The following VSX2 variants were observed in gnomAD, a reference collection of about 807,000 sequenced individuals.
The protein encoded by VSX2 is ceh-10 homeo domain containing homolog.
In VSX2, 28 loss-of-function variants were observed where a neutral mutation model predicts 32.1. The ratio of observed to expected loss-of-function variants is 0.87; its 90% confidence interval spans 0.65 to 1.20. The LOEUF is 1.20. Among genes scored for constraint, VSX2 ranks in the 50% most tolerant of loss-of-function variants. VSX2 has a pLI of 0.00. For missense variants in VSX2, 506 were observed against 488.7 expected (o/e 1.04, Z -0.33); for synonymous variants, 243 against 214.1 (o/e 1.14, Z -1.18).
At chr14:74,256,876 G>C (rs2079266873) in intron 3 of VSX2, among the ~76,000 whole-genome samples, 1 of 151,966 alleles carries the variant, frequency 6.6e-6, no homozygotes, top group South Asian at 2.1e-4. Context: ...GTTTCCCCAT[G>C]TTGGCCAGGC....
chr14:74,260,521 T>C (rs2079297770), intron 4 of VSX2, 73 bp from the exon 5 acceptor site: 2 of 1,441,076 alleles, frequency 1.4e-6, no homozygotes, highest in East Asian at 4.9e-5. Context: ...CCTCTCTCTA[T>C]CTTTGCCGTT....
rs141712104 is a variant in VSX2 at position 74,259,721 on chromosome 14, C to T, written c.699C>T (p.Pro233=). The T allele has an allele frequency of 1.4e-4, 230 of 1,613,654 alleles. No individual in the cohort carries two copies. The African/African-American group carries it at 2.7e-3, about 19-fold the overall frequency. The stretch of plus-strand genomic sequence containing the variant: ...TGGTGCGGCACTCCATCCCCCTGCC[C>T]GAGTCCATCCTCAAGTCAGCCAAGG... The part of the protein sequence containing the change: ...GAMVRHSIPL[P]ESILKSAKDG... The change falls in exon 4 of 5, where the codon CCC becomes CCT. Residue 233 remains proline (P), a synonymous_variant. Coordinates refer to ENST00000261980, the MANE Select transcript of VSX2 (RefSeq NM_182894.3).
rs1487460668 is a variant in VSX2, at chr14:74,257,717, C to CG, written c.580-1885_580-1884insG. ...GCAGGAGCGCGCGGACCACCCCCCACCCACTTCCCCCGAGCCCCGCCGGCC... is the reference window on the plus strand; with the variant it reads ...GCAGGAGCGCGCGGACCACCCCCCACGCCACTTCCCCCGAGCCCCGCCGGCC... On this transcript the variant is annotated intron_variant, in intron 3 of 4. Transcript: ENST00000261980. Among the ~76,000 whole-genome samples, 34 of 150,426 alleles carry CG rather than the reference C, an allele frequency of 2.3e-4. 1 individual carries two copies. In the South Asian group the frequency reaches 2.8e-3, roughly 12 times the overall value.
At chr14:74,242,412 A>G (rs2079156204) in intron 2 of VSX2, among the ~76,000 whole-genome samples, 1 of 151,504 alleles carries the variant, frequency 6.6e-6, no homozygotes, top group African/African-American at 2.4e-5. Flanking sequence ...GCCCTGGGAA[A>G]CTCCACTGTT....
rs1214707035 is a variant in VSX2 at position 74,245,178 on chromosome 14, T to G, written c.469T>G (p.Ser157Ala). 6.2e-7 allele frequency: 1 copy of G among 1,613,372 alleles called. No homozygotes were observed. Among genetic ancestry groups the G allele is most frequent in the Non-Finnish European group, 8.5e-7 (1 of 1,179,842 alleles). ...KKRRHRTIFT[S>A]YQLEELEKAF... is the part of the protein sequence containing the mutation. ...TGCTCCCCTCAGGACAATCTTTACC[T>G]CCTACCAGCTAGAGGAGCTGGAGAA... The change falls in exon 3 of 5, where the codon TCC becomes GCC. Residue 157 changes from serine (S) to alanine (A), a missense_variant. Physicochemically the swap from Ser to Ala is moderately conservative, Grantham distance 99. Transcript: ENST00000261980.
intron 4 of VSX2, among the ~76,000 whole-genome samples, chr14:74,260,392 G>A (rs1019266916): frequency 2.6e-5 from 4 of 152,208 alleles, no homozygotes; most frequent in African/African-American, 9.6e-5. Flanking sequence ...GGCTTTGGCA[G>A]GGGGAGGTCC....
At chr14:74,258,415 G>A (rs1481458930) in intron 3 of VSX2, among the ~76,000 whole-genome samples, 5 of 152,194 alleles carry the variant, frequency 3.3e-5, no homozygotes, top group African/African-American at 4.8e-5. Flanking sequence ...CCGGAGGGAA[G>A]GGCGGCGCCG....
rs2079134490 is a variant in VSX2 at position 74,239,585 on chromosome 14, G to C, written c.24G>C (p.Ala8=). MTGKAGE[A]LSKPKSETVA... ...AGATGACGGGGAAAGCAGGGGAAGC[G>C]CTGAGCAAGCCCAAATCCGAGACAG... The change falls in exon 1 of 5, where the codon GCG becomes GCC. Residue 8 remains alanine (A), a synonymous_variant. Transcript: ENST00000261980. 1 of 1,551,376 alleles carries C rather than the reference G, an allele frequency of 6.4e-7. No homozygotes were observed. Among genetic ancestry groups the C allele is most frequent in the Non-Finnish European group, 8.7e-7 (1 of 1,146,990 alleles).
intron 2 of VSX2, among the ~76,000 whole-genome samples, chr14:74,244,943 A>AG (rs2079178141): frequency 3.5e-4 from 22 of 63,082 alleles, no homozygotes; most frequent in Non-Finnish European, 6.2e-4. Flanking sequence ...AGAGAGAGAG[A>AG]AAGTGTGTGT....
intron 3 of VSX2, among the ~76,000 whole-genome samples, chr14:74,247,995 G>C (rs1039093807): frequency 2.0e-5 from 3 of 152,076 alleles, no homozygotes; most frequent in Non-Finnish European, 4.4e-5. Context: ...CCATGAGCTA[G>C]GGGCTATTAC....
intron 3 of VSX2, among the ~76,000 whole-genome samples, chr14:74,246,126 G>A (rs1431800462): frequency 6.6e-6 from 1 of 152,250 alleles, no homozygotes; most frequent in Non-Finnish European, 1.5e-5. Flanking sequence ...TGGGGTGGGA[G>A]GAACATTTCC....
In VSX2 at chr14:74,256,882, C is replaced by T. The variant is rs143471600; in HGVS notation, c.580-2720C>T. On this transcript the variant is annotated intron_variant, in intron 3 of 4. Transcript: ENST00000261980. Reference sequence around the variant, plus strand: ...AGAGATGGAGTTTCCCCATGTTGGCCAGGCTGGTCTCAAACTCCTGACCTC... The same window carrying T: ...AGAGATGGAGTTTCCCCATGTTGGCTAGGCTGGTCTCAAACTCCTGACCTC... Among the ~76,000 whole-genome samples the T allele has an allele frequency of 3.9e-3, 599 of 152,146 alleles. 1 individual carries two copies. Among genetic ancestry groups the T allele is most frequent in the Non-Finnish European group, 7.1e-3 (480 of 68,006 alleles).
rs1315864409 is a variant in VSX2 at position 74,261,975 on chromosome 14, A to T, written c.*1056A>T. On this transcript the variant is annotated 3_prime_UTR_variant, in exon 5 of 5. Coordinates refer to ENST00000261980, the MANE Select transcript of VSX2 (RefSeq NM_182894.3). ...GCCTCAACTGAGAAGCCAAGCCTGG[A>T]GTAGGCCTGGGGCTATGCATACGCA... 2.6e-5 allele frequency: 4 copies of T among 152,210 alleles called. No homozygotes were observed. Among genetic ancestry groups the T allele is most frequent in the Non-Finnish European group, 5.9e-5 (4 of 68,100 alleles). The allele number at this position is 152,210 out of a possible 1,614,324, so 9.4% of individuals were successfully genotyped here. A position where few individuals can be genotyped will look rare whatever the true frequency, so the allele number is the denominator to read the frequency against.
rs1324076426 is a variant in VSX2, at chr14:74,241,218, C to G, written c.407C>G (p.Ser136Cys). ...EDVSSSDRKM[S>C]KSALNQTKKR... Reference sequence around the variant, plus strand: ...GTTTCCTCCAGCGATCGAAAAATGTCCAAATCTGCTTTAAACCAGACCAAG... The same window carrying G: ...GTTTCCTCCAGCGATCGAAAAATGTGCAAATCTGCTTTAAACCAGACCAAG... Residue 136 changes from serine to cysteine, a missense_variant, in exon 2 of 5, where the codon TCC becomes TGC. Ser to Cys is a moderately radical substitution (Grantham distance 112). Coordinates refer to ENST00000261980, the MANE Select transcript of VSX2 (RefSeq NM_182894.3). 6.2e-7 allele frequency: 1 copy of G among 1,613,534 alleles called. No homozygotes were observed. The highest frequency in any genetic ancestry group is 2.2e-5 in the East Asian group (1 of 44,860).
chr14:74,248,346 A>AAAAAC (rs2079206674), intron 3 of VSX2, among the ~76,000 whole-genome samples: 1 of 139,078 alleles, frequency 7.2e-6, no homozygotes, highest in Non-Finnish European at 1.6e-5. Context: ...AAAAAAAAAA[A>AAAAAC]AAAAACAAAA....
At chr14:74,256,669 CTTTTTT>C (rs34012116) in intron 3 of VSX2, among the ~76,000 whole-genome samples, 1 of 93,048 alleles carries the variant, frequency 1.1e-5, no homozygotes, top group Non-Finnish European at 2.0e-5. Flanking sequence ...GGGAGTCATA[CTTTTTT>C]TTTTTTTTTT....
chr14:74,246,631 G>A (rs1277170675), intron 3 of VSX2, among the ~76,000 whole-genome samples: 2 of 152,232 alleles, frequency 1.3e-5, no homozygotes, highest in Non-Finnish European at 2.9e-5. Flanking sequence ...GTGTGTGTAA[G>A]CCAAGCCTTA....
In VSX2 at chr14:74,239,887, G is replaced by T; in HGVS notation, c.326G>T (p.Gly109Val). 2.5e-6 allele frequency: 4 copies of T among 1,574,316 alleles called. No individual in the cohort carries two copies. The highest frequency in any genetic ancestry group is 2.6e-6 in the Non-Finnish European group (3 of 1,160,894). Residue 109 changes from glycine to valine, a missense_variant, in exon 1 of 5, where the codon GGC becomes GTC. By Grantham distance (109) the Gly-to-Val change is moderately radical. Coordinates refer to ENST00000261980, the MANE Select transcript of VSX2 (RefSeq NM_182894.3). ...DPQSVHLQPLGRASGPLDTSQ... is the reference protein window; with the variant it reads ...DPQSVHLQPLVRASGPLDTSQ... ...CAGAGCGTCCACTTGCAGCCATTGG[G>T]CAGAGCATCGGGGCCGCTGGACACC...
chr14:74,261,558 G>A lies in VSX2; in HGVS notation c.*639G>A, dbSNP rs996023682. On this transcript the variant is annotated 3_prime_UTR_variant, in exon 5 of 5. Coordinates refer to ENST00000261980, the MANE Select transcript of VSX2 (RefSeq NM_182894.3). ...GCTACAGTTGGGAAGTCTCAGCCTG[G>A]GCCCCTCAGCCACCCTTGGTCTCAT... 1 of 152,984 alleles carries A rather than the reference G, an allele frequency of 6.5e-6. No homozygotes were observed. Among genetic ancestry groups the A allele is most frequent in the Middle Eastern group, 3.2e-3 (1 of 308 alleles). 9.5% of individuals were successfully genotyped at this position (152,984 alleles called of 1,614,324 possible). A position where few individuals can be genotyped will look rare whatever the true frequency, so the allele number is the denominator to read the frequency against.
Sources: allele counts gnomAD v4.1 joint callset (sites outside exome capture counted in the v4.1 genomes callset), GRCh38; gene constraint gnomAD v4.1.1; transcripts MANE v1.5; gene names NCBI Gene and HGNC (gene_info 2026-07-23, HGNC 2026-07-21).